MTUS2: variants seen among roughly 807,000 people sequenced by gnomAD.
MTUS2 encodes microtubule-associated tumor suppressor candidate 2.
Under a neutral mutation model 114.1 loss-of-function variants are expected in MTUS2, and 40 were observed. That is an observed-to-expected ratio of 0.35 (90% CI 0.27 to 0.46). The LOEUF is 0.46. Ranked by LOEUF, MTUS2 falls within the 20% of genes least tolerant of loss-of-function variation. The pLI is 1.00. For synonymous variants in MTUS2, 688 were observed against 672.0 expected (o/e 1.02, Z -0.37); for missense variants, 1,679 against 1,705.4 (o/e 0.98, Z 0.27).
chr13:29,000,193 C>A (rs1464119984), intron 2 of MTUS2, among the ~76,000 whole-genome samples: 4 of 152,158 alleles, frequency 2.6e-5, no homozygotes, highest in Non-Finnish European at 5.9e-5. Flanking sequence ...GAGAAATCTC[C>A]ATACTGGTTT....
chr13:29,274,818 C>T (rs907805076), intron 5 of MTUS2, among the ~76,000 whole-genome samples: 1 of 152,176 alleles, frequency 6.6e-6, no homozygotes, highest in Non-Finnish European at 1.5e-5. Flanking sequence ...CAACCTTGAC[C>T]TCCTGGGGTC....
intron 5 of MTUS2, among the ~76,000 whole-genome samples, chr13:29,227,397 A>C (rs1488623012): frequency 1.3e-5 from 2 of 152,124 alleles, no homozygotes; most frequent in African/African-American, 4.8e-5. Flanking sequence ...TCTCTTTGCC[A>C]CTATGAATGT....
At chr13:29,235,366 T>A (rs925861820) in intron 5 of MTUS2, among the ~76,000 whole-genome samples, 2 of 152,204 alleles carry the variant, frequency 1.3e-5, no homozygotes, top group South Asian at 4.1e-4. Flanking sequence ...GTGCTGGGAT[T>A]GCAGGCATGA....
intron 2 of MTUS2, among the ~76,000 whole-genome samples, chr13:28,980,268 A>T (rs1215896391): frequency 6.6e-6 from 1 of 152,152 alleles, no homozygotes; most frequent in Non-Finnish European, 1.5e-5. Context: ...CTTTTTAATT[A>T]ATTGTTTTTG....
chr13:29,495,540 A>G (rs1223436625), intron 12 of MTUS2, among the ~76,000 whole-genome samples: 1 of 151,924 alleles, frequency 6.6e-6, no homozygotes, highest in Non-Finnish European at 1.5e-5. Context: ...ATCACTTCCT[A>G]TTATTTGGTG....
intron 8 of MTUS2, among the ~76,000 whole-genome samples, chr13:29,425,588 C>T (rs1361326134): frequency 6.6e-6 from 1 of 152,124 alleles, no homozygotes; most frequent in Non-Finnish European, 1.5e-5. Flanking sequence ...AGTGTGCCAA[C>T]ACCTTGATGA....
chr13:28,837,505 G>C (rs982706082), intron 1 of MTUS2, among the ~76,000 whole-genome samples: 5 of 152,140 alleles, frequency 3.3e-5, no homozygotes, highest in Non-Finnish European at 5.9e-5. Flanking sequence ...TTGGTTCTTA[G>C]GTGGCTCTTC....
At chr13:29,217,542 C>A (rs750781185) in intron 5 of MTUS2, among the ~76,000 whole-genome samples, 6 of 152,076 alleles carry the variant, frequency 3.9e-5, no homozygotes, top group Non-Finnish European at 8.8e-5. Context: ...ATCACTTGAG[C>A]CTTCAGCAAG....
intron 5 of MTUS2, among the ~76,000 whole-genome samples, chr13:29,209,360 G>T (rs1267518302): frequency 1.3e-5 from 2 of 152,092 alleles, no homozygotes; most frequent in East Asian, 3.9e-4. Flanking sequence ...TACTCGGTTG[G>T]CGAATTCTTA....
chr13:29,115,604 T>C (rs966027044), intron 5 of MTUS2, among the ~76,000 whole-genome samples: 3 of 152,246 alleles, frequency 2.0e-5, no homozygotes, highest in Non-Finnish European at 4.4e-5. Flanking sequence ...AAAGATTGTA[T>C]GCATTAAAGA....
chr13:29,210,193 T>G (rs1377566203), intron 5 of MTUS2, among the ~76,000 whole-genome samples: 1 of 152,080 alleles, frequency 6.6e-6, no homozygotes, highest in Non-Finnish European at 1.5e-5. Context: ...CTGAATTTCT[T>G]TCTTCTGCTT....
intron 2 of MTUS2, among the ~76,000 whole-genome samples, chr13:28,955,336 A>G (rs1264108460): frequency 6.6e-6 from 1 of 152,250 alleles, no homozygotes; most frequent in African/African-American, 2.4e-5. Context: ...GCAGATTTAT[A>G]AGTATCTAGA....
At chr13:29,379,874 A>C (rs1471356818) in intron 8 of MTUS2, among the ~76,000 whole-genome samples, 3 of 152,260 alleles carry the variant, frequency 2.0e-5, no homozygotes, top group Non-Finnish European at 4.4e-5. Flanking sequence ...AAAGGTAGTC[A>C]AAGAAAAATA....
chr13:29,264,030 C>G (rs1054438404), intron 5 of MTUS2, among the ~76,000 whole-genome samples: 1 of 152,226 alleles, frequency 6.6e-6, no homozygotes, highest in South Asian at 2.1e-4. Flanking sequence ...CACGTCCCTT[C>G]CACTGATGAG....
At chr13:29,258,167 TCTC>T (rs1428720562) in intron 5 of MTUS2, among the ~76,000 whole-genome samples, 1 of 152,192 alleles carries the variant, frequency 6.6e-6, no homozygotes, top group African/African-American at 2.4e-5. Context: ...TGGAATGAGT[TCTC>T]ATCTCCAGGC....
At chr13:29,158,358 C>CCCCCCCT in intron 5 of MTUS2, among the ~76,000 whole-genome samples, 63 of 32,054 alleles carry the variant, frequency 2.0e-3, no homozygotes, top group African/African-American at 4.1e-3. Context: ...GTCCACCCCG[C>CCCCCCCT]TTTTTTTTTT....
chr13:29,127,091 C>G (rs936603894), intron 5 of MTUS2, among the ~76,000 whole-genome samples: 1 of 152,184 alleles, frequency 6.6e-6, no homozygotes, highest in Non-Finnish European at 1.5e-5. Context: ...GCTCCTGGCC[C>G]CAGCCATTGA....
At chr13:29,270,320 C>A (rs1167283179) in intron 5 of MTUS2, among the ~76,000 whole-genome samples, 1 of 152,078 alleles carries the variant, frequency 6.6e-6, no homozygotes. Context: ...GTAAAGCACC[C>A]CCCTCAGGAG....
rs369100846 is a variant in MTUS2 at position 29,399,043 on chromosome 13, G to A, written c.3117+39570G>A. 3.9e-5 allele frequency among the ~76,000 whole-genome samples: 6 copies of A among 152,270 alleles called. No homozygotes were observed. The East Asian group carries it at 1.2e-3, about 29-fold the overall frequency. ...TAATAAAGTAGAGGAATAAAAGAAT[G>A]GCTGCTCCACAGACAGAGCAGCCCC... On this transcript the variant is annotated intron_variant, in intron 8 of 15. Coordinates refer to ENST00000612955, the MANE Select transcript of MTUS2 (RefSeq NM_001033602.4).
Sources: allele counts gnomAD v4.1 joint callset (sites outside exome capture counted in the v4.1 genomes callset), GRCh38; gene constraint gnomAD v4.1.1; transcripts MANE v1.5; gene names NCBI Gene and HGNC (gene_info 2026-07-23, HGNC 2026-07-21).